GPC6: variants seen among roughly 807,000 people sequenced by gnomAD.
The protein encoded by GPC6 is glypican-6.
In GPC6, 14 loss-of-function variants were observed where a neutral mutation model predicts 55.2. That is an observed-to-expected ratio of 0.25 (90% confidence interval 0.17 to 0.40). The LOEUF is 0.40. Ranked by LOEUF, GPC6 falls within the 10% of genes least tolerant of loss-of-function variation. GPC6 has a pLI of 1.00. For missense variants in GPC6, 641 were observed against 708.5 expected, an observed-to-expected ratio of 0.90 and a Z score of 1.08; for synonymous variants, 278 against 259.6, an observed-to-expected ratio of 1.07 and a Z score of -0.68.
At chr13:94,247,602 A>G (rs1229526754) in intron 4 of GPC6, among the ~76,000 whole-genome samples, 1 of 152,158 alleles carries the variant, frequency 6.6e-6, no homozygotes, top group Non-Finnish European at 1.5e-5. Flanking sequence ...GTCCATTGAT[A>G]TGATCAAGTG....
chr13:93,589,545 G>C (rs572673831), intron 2 of GPC6, among the ~76,000 whole-genome samples: 1 of 152,038 alleles, frequency 6.6e-6, no homozygotes, highest in Non-Finnish European at 1.5e-5. Context: ...ATGAAGCAGC[G>C]CATTTCTGGG....
intron 2 of GPC6, among the ~76,000 whole-genome samples, chr13:93,827,903 A>AG (rs1301146766): frequency 6.6e-6 from 1 of 151,956 alleles, no homozygotes; most frequent in African/African-American, 2.4e-5. Context: ...ATAAAAAAAA[A>AG]CTGAAGGAGG....
At chr13:93,369,301 C>A (rs1881368797) in intron 1 of GPC6, among the ~76,000 whole-genome samples, 1 of 151,878 alleles carries the variant, frequency 6.6e-6, no homozygotes, top group Admixed American at 6.6e-5. Flanking sequence ...AAATTCACTG[C>A]AATTACAATA....
chr13:94,066,526 C>T (rs983576628), intron 4 of GPC6, among the ~76,000 whole-genome samples: 3 of 152,146 alleles, frequency 2.0e-5, no homozygotes, highest in Non-Finnish European at 2.9e-5. Flanking sequence ...CATCAATGTA[C>T]TTACATTTAG....
intron 3 of GPC6, among the ~76,000 whole-genome samples, chr13:93,971,225 A>G (rs977610276): frequency 3.9e-5 from 6 of 152,208 alleles, no homozygotes; most frequent in African/African-American, 1.2e-4. Context: ...GGCTGAACAC[A>G]TTACAGAAAT....
intron 2 of GPC6, among the ~76,000 whole-genome samples, chr13:93,770,559 A>C (rs905401394): frequency 6.6e-6 from 1 of 152,136 alleles, no homozygotes; most frequent in Non-Finnish European, 1.5e-5. Context: ...TCTGACTCAA[A>C]GGGGCTGTGC....
At chr13:93,883,252 G>C (rs1449413620) in intron 3 of GPC6, among the ~76,000 whole-genome samples, 8 of 151,076 alleles carry the variant, frequency 5.3e-5, no homozygotes, top group African/African-American at 1.5e-4. Flanking sequence ...TAAATGGCTG[G>C]ATGTCTAGAA....
intron 7 of GPC6, among the ~76,000 whole-genome samples, chr13:94,386,127 A>G (rs951290910): frequency 6.0e-5 from 9 of 151,122 alleles, no homozygotes; most frequent in Admixed American, 4.6e-4. Flanking sequence ...TGGGAGGCCA[A>G]GGCGGGCGGA....
chr13:94,144,547 A>ATGTGTGTGTGTGTG (rs67016286), intron 4 of GPC6, among the ~76,000 whole-genome samples: 3 of 148,436 alleles, frequency 2.0e-5, no homozygotes, highest in East Asian at 2.1e-4. Flanking sequence ...GTGTGTGTGT[A>ATGTGTGTGTGTGTG]TGTGTGTGTG....
intron 6 of GPC6, among the ~76,000 whole-genome samples, chr13:94,369,214 T>C (rs557295062): frequency 5.7e-4 from 87 of 152,300 alleles, no homozygotes; most frequent in African/African-American, 2.1e-3. Flanking sequence ...GGAATCTTTC[T>C]GAAGTCAGGA....
chr13:93,320,288 A>G (rs1879390628), intron 1 of GPC6, among the ~76,000 whole-genome samples: 1 of 152,114 alleles, frequency 6.6e-6, no homozygotes, highest in East Asian at 1.9e-4. Flanking sequence ...ATTGCCTTGC[A>G]GTTATTAAGG....
At chr13:94,127,791 G>A (rs1011291996) in intron 4 of GPC6, among the ~76,000 whole-genome samples, 2 of 152,170 alleles carry the variant, frequency 1.3e-5, no homozygotes, top group South Asian at 2.1e-4. Flanking sequence ...CTGGTTTAGT[G>A]TTACCAGGTC....
intron 2 of GPC6, among the ~76,000 whole-genome samples, chr13:93,578,302 G>C (rs1265025353): frequency 6.6e-6 from 1 of 151,984 alleles, no homozygotes; most frequent in Non-Finnish European, 1.5e-5. Flanking sequence ...TATTTTGGTA[G>C]AATTCAGCAG....
At chr13:94,323,640 A>G (rs148873637) in intron 6 of GPC6, among the ~76,000 whole-genome samples, 71 of 152,288 alleles carry the variant, frequency 4.7e-4, no homozygotes, top group African/African-American at 1.7e-3. Flanking sequence ...GTGCAATACA[A>G]TGTACAATAT....
chr13:93,673,401 A>G (rs1241075603), intron 2 of GPC6, among the ~76,000 whole-genome samples: 1 of 152,196 alleles, frequency 6.6e-6, no homozygotes. Flanking sequence ...TAATTCCAAC[A>G]TTTTGGGAGG....
At chr13:94,388,074 A>G (rs1356349291) in intron 7 of GPC6, among the ~76,000 whole-genome samples, 2 of 152,220 alleles carry the variant, frequency 1.3e-5, no homozygotes, top group South Asian at 2.1e-4. Flanking sequence ...GATCTAGCAC[A>G]TAAAGATAAT....
intron 1 of GPC6, among the ~76,000 whole-genome samples, chr13:93,455,930 C>T (rs1455569234): frequency 6.6e-6 from 1 of 152,104 alleles, no homozygotes; most frequent in African/African-American, 2.4e-5. Flanking sequence ...AAGAAAGAGT[C>T]TTGTAAAATA....
chr13:93,630,841 A>C (rs3899317), intron 2 of GPC6, among the ~76,000 whole-genome samples: 1 of 151,906 alleles, frequency 6.6e-6, no homozygotes, highest in African/African-American at 2.4e-5. Context: ...GTGTTCCCCC[A>C]AAATATTCAC....
chr13:93,356,703 A>G (rs1880861225), intron 1 of GPC6, among the ~76,000 whole-genome samples: 1 of 152,242 alleles, frequency 6.6e-6, no homozygotes, highest in African/African-American at 2.4e-5. Flanking sequence ...GACAGCCATC[A>G]GTATAAATTC....
Sources: gnomAD v4.1 joint callset for allele counts (sites outside exome capture counted in the v4.1 genomes callset) on GRCh38, gnomAD v4.1.1 for gene constraint, MANE v1.5 for transcripts, NCBI Gene and HGNC (gene_info 2026-07-23, HGNC 2026-07-21) for gene names.